CCDC92: variants seen among roughly 807,000 people sequenced by gnomAD.
CCDC92 encodes coiled-coil domain-containing protein 92.
In CCDC92, 12 loss-of-function variants were observed where a neutral mutation model predicts 24.9. The ratio of observed to expected loss-of-function variants is 0.48; its 90% CI spans 0.31 to 0.78. The LOEUF (loss-of-function observed/expected upper bound fraction) is 0.78, where lower values mean the gene tolerates loss of function less well. CCDC92 is among the 30% of genes least tolerant of loss of function. The pLI is 0.05. For missense variants in CCDC92, 399 were observed against 439.4 expected (o/e 0.91, Z 0.82); for synonymous variants, 193 against 196.3 (o/e 0.98, Z 0.14).
rs758067436 is a variant in CCDC92 at position 123,942,778 on chromosome 12, T to C, written c.189A>G (p.Thr63=). ...RRLQQHCTDL[T]YELTVKSSEQ... ...CCGAACTTTTGACTGTCAGCTCATA[T>C]GTTAAATCTAAAAGGGAAATGTTAC... The change falls in exon 4 of 5, where the codon ACA becomes ACG. Residue 63 remains threonine (T), a synonymous_variant. Coordinates refer to ENST00000238156, the MANE Select transcript of CCDC92 (RefSeq NM_025140.3). 131 of 1,607,250 alleles carry C rather than the reference T, an allele frequency of 8.2e-5. 3 individuals carry two copies. In the South Asian group the frequency reaches 9.0e-4, roughly 11 times the overall value.
At position 123,937,287 on chromosome 12, in the gene CCDC92, T is replaced by TG. The variant is rs1566140468; in HGVS notation, c.766dup (p.His256ProfsTer157). 6.2e-7 allele frequency: 1 copy of TG among 1,612,842 alleles called. No homozygotes were observed. Among genetic ancestry groups the TG allele is most frequent in the Non-Finnish European group, 8.5e-7 (1 of 1,179,982 alleles). ...GACGAGGGGCCTCTCTTTGATGAGG[T>TG]GGACCTCGGCGGACTCCCTAGCCAG... is the stretch of plus-strand genomic sequence containing the variant. On this transcript the variant is annotated frameshift_variant, in exon 5 of 5. Coordinates refer to ENST00000238156, the MANE Select transcript of CCDC92 (RefSeq NM_025140.3). LOFTEE classifies it high-confidence loss of function. The surrounding 1 kb of genome is among the most constrained non-coding windows in gnomAD (Gnocchi z 8.4).
chr12:123,969,471 T>TG (rs1197813073), intron 1 of CCDC92, among the ~76,000 whole-genome samples: 2 of 141,586 alleles, frequency 1.4e-5, no homozygotes, highest in African/African-American at 5.3e-5. Flanking sequence ...GTTTTTTTTT[T>TG]TTTTTTTTTT....
chr12:123,967,447 T>C (rs1956419936), intron 1 of CCDC92, among the ~76,000 whole-genome samples: 2 of 152,210 alleles, frequency 1.3e-5, no homozygotes, highest in African/African-American at 4.8e-5. Flanking sequence ...GTATCTGCTC[T>C]CCCACGCTAC....
intron 1 of CCDC92, among the ~76,000 whole-genome samples, chr12:123,965,131 A>G (rs1956361895): frequency 6.6e-6 from 1 of 152,192 alleles, no homozygotes; most frequent in Admixed American, 6.5e-5. Context: ...ACGTATTAGG[A>G]CACCTGATAT....
chr12:123,968,054 T>C (rs1956434308), intron 1 of CCDC92: 1 of 152,260 alleles, frequency 6.6e-6, no homozygotes, highest in African/African-American at 2.4e-5. Flanking sequence ...TATTAAAAGT[T>C]TTCTTCTGTC....
At chr12:123,965,418 T>C (rs1426740367) in intron 1 of CCDC92, among the ~76,000 whole-genome samples, 1 of 152,212 alleles carries the variant, frequency 6.6e-6, no homozygotes, top group Non-Finnish European at 1.5e-5. Flanking sequence ...CTCACTGGAG[T>C]ATGAAGTCCT....
chr12:123,944,427 G>T, intron 1 of CCDC92, 63 bp from the exon 2 acceptor site: 1 of 925,556 alleles, frequency 1.1e-6, no homozygotes, highest in Non-Finnish European at 1.5e-6. Flanking sequence ...ACCTCAGAAT[G>T]CATTTTCCCT....
intron 1 of CCDC92, among the ~76,000 whole-genome samples, chr12:123,958,736 G>C (rs770801712): frequency 1.4e-4 from 21 of 152,182 alleles, no homozygotes; most frequent in African/African-American, 5.1e-4. Context: ...TCCTCACACC[G>C]CTCTAGGATA....
intron 1 of CCDC92, among the ~76,000 whole-genome samples, chr12:123,954,909 G>C (rs75678783): frequency 3.3e-5 from 5 of 152,240 alleles, no homozygotes; most frequent in Admixed American, 2.0e-4. Context: ...CTGGAGGGGC[G>C]ATGCCCATAC....
chr12:123,962,617 G>A (rs1429113382), intron 1 of CCDC92: 3 of 153,806 alleles, frequency 2.0e-5, no homozygotes, highest in African/African-American at 7.2e-5. Context: ...AACAATTGAT[G>A]CTGCGATTCA....
intron 4 of CCDC92, among the ~76,000 whole-genome samples, chr12:123,941,938 T>C (rs1175090768): frequency 6.6e-6 from 1 of 152,242 alleles, no homozygotes; most frequent in Non-Finnish European, 1.5e-5. Flanking sequence ...CTCCTTTGTT[T>C]GAGTGTGCTC....
At chr12:123,955,315 A>G (rs1956124656) in intron 1 of CCDC92, among the ~76,000 whole-genome samples, 1 of 152,198 alleles carries the variant, frequency 6.6e-6, no homozygotes, top group African/African-American at 2.4e-5. Flanking sequence ...TGGTCTTTCC[A>G]TTTCCACCTC....
chr12:123,965,084 G>C (rs565774587), intron 1 of CCDC92, among the ~76,000 whole-genome samples: 1 of 152,056 alleles, frequency 6.6e-6, no homozygotes, highest in Non-Finnish European at 1.5e-5. Context: ...TTAAATACTT[G>C]TTCTTAAAGC....
At chr12:123,960,947 G>A (rs1374669809) in intron 1 of CCDC92, 2 of 152,152 alleles carry the variant, frequency 1.3e-5, no homozygotes, top group Non-Finnish European at 2.9e-5. Flanking sequence ...CCAGGCAATC[G>A]ATTCTCCTTT....
At chr12:123,962,399 T>C (rs1956291561) in intron 1 of CCDC92, among the ~76,000 whole-genome samples, 1 of 152,256 alleles carries the variant, frequency 6.6e-6, no homozygotes, top group African/African-American at 2.4e-5. Flanking sequence ...TTCTAAATGT[T>C]TGCTTTTTAA....
chr12:123,938,390 A>G (rs966989224), intron 4 of CCDC92, among the ~76,000 whole-genome samples: 2 of 152,052 alleles, frequency 1.3e-5, no homozygotes, highest in Admixed American at 6.5e-5. Flanking sequence ...TCCTGCTCAG[A>G]GAGTGAGCTG....
rs1024633265 is a variant in CCDC92, at chr12:123,936,841, A to G, written c.*217T>C. On this transcript the variant is annotated 3_prime_UTR_variant, in exon 5 of 5. Coordinates refer to ENST00000238156, the MANE Select transcript of CCDC92 (RefSeq NM_025140.3). The stretch of plus-strand genomic sequence containing the variant: ...GGATCAGAAGCAAGCGATTCGGCAC[A>G]CAGGCGTTTGGCCACAGCAATTAGG... The G allele has an allele frequency of 6.4e-6, 4 of 623,896 alleles. No homozygotes were observed. The highest frequency in any genetic ancestry group is 5.5e-5 in the African/African-American group (3 of 54,236). 38.6% of individuals were successfully genotyped at this position (623,896 alleles called of 1,614,324 possible).
intron 1 of CCDC92, among the ~76,000 whole-genome samples, chr12:123,968,841 C>T (rs561324007): frequency 4.6e-5 from 7 of 152,308 alleles, no homozygotes; most frequent in Non-Finnish European, 1.0e-4. Flanking sequence ...TGCTAGAGAA[C>T]GAGAGAGTAA....
chr12:123,961,992 C>T (rs943448005), intron 1 of CCDC92, among the ~76,000 whole-genome samples: 47 of 152,202 alleles, frequency 3.1e-4, no homozygotes, highest in African/African-American at 1.1e-3. Context: ...TATAAAAGTG[C>T]ATATCCCGCA....
Sources: allele counts gnomAD v4.1 joint callset (sites outside exome capture counted in the v4.1 genomes callset), GRCh38; gene constraint gnomAD v4.1.1; non-coding constraint Gnocchi (gnomAD v3.1); transcripts MANE v1.5; gene names NCBI Gene and HGNC (gene_info 2026-07-23, HGNC 2026-07-21).